IGBP1: variants seen among roughly 807,000 people sequenced by gnomAD.
IGBP1 encodes the protein immunoglobulin binding protein 1, also known as immunoglobulin-binding protein 1.
In IGBP1, 2 loss-of-function variants were observed where a neutral mutation model predicts 25.9. That is an observed-to-expected ratio of 0.08 (90% CI 0.03 to 0.24). The LOEUF is 0.24. Ranked by LOEUF, IGBP1 falls within the 10% of genes least tolerant of loss-of-function variation. IGBP1 has a pLI of 1.00. For missense variants in IGBP1, 187 were observed against 260.4 expected, an observed-to-expected ratio of 0.72 and a Z score of 1.94; for synonymous variants, 96 against 93.4, an observed-to-expected ratio of 1.03 and a Z score of -0.16.
At chrX:70,163,054 A>T (rs894724659) in intron 6 of IGBP1, among the ~76,000 whole-genome samples, 3 of 110,223 alleles carry the variant, frequency 2.7e-5, no homozygotes, top group African/African-American at 9.9e-5. Flanking sequence ...TTATATATAT[A>T]TATTTTTATT....
intron 5 of IGBP1, chrX:70,149,544 C>T (rs761441595): frequency 2.9e-4 from 33 of 112,491 alleles, no homozygotes; most frequent in Admixed American, 2.0e-3. Context: ...ATCCCAGCTA[C>T]TCGGGAGGCT....
intron 3 of IGBP1, among the ~76,000 whole-genome samples, chrX:70,138,149 A>G (rs1370294386): frequency 9.1e-6 from 1 of 109,872 alleles, no homozygotes; most frequent in East Asian, 2.9e-4. Flanking sequence ...AAAAAAGAAC[A>G]TAAATGGTAT....
intron 3 of IGBP1, among the ~76,000 whole-genome samples, chrX:70,141,893 AT>A (rs1451541220): frequency 1.8e-5 from 2 of 110,108 alleles, no homozygotes; most frequent in East Asian, 2.8e-4. Flanking sequence ...AGACATTCTT[AT>A]CCCCATTTTA....
Position 70,134,615 on chromosome X carries a change from A to T in IGBP1, c.281A>T (p.Asn94Ile). Residue 94 changes from asparagine (N) to isoleucine (I), a missense_variant, in exon 3 of 7, where the codon AAC becomes ATC. By Grantham distance (149) the Asn-to-Ile change is moderately radical (BLOSUM62 -3). Coordinates refer to ENST00000356413, the MANE Select transcript of IGBP1 (RefSeq NM_001551.3). ...GGAGCCCTCACCATGAAACAAGTCA[A>T]CCCCAGCAAGCGTCTAGATCATTTG... is the stretch of plus-strand genomic sequence containing the variant. The part of the protein sequence containing the change: ...FQGALTMKQV[N>I]PSKRLDHLQR... The T allele has an allele frequency of 8.3e-7, 1 of 1,211,644 alleles. No individual in the cohort carries two copies. Among genetic ancestry groups the T allele is most frequent in the African/African-American group, 1.7e-5 (1 of 57,810 alleles).
chrX:70,146,180 T>C (rs1360735796), intron 3 of IGBP1, among the ~76,000 whole-genome samples: 1 of 111,836 alleles, frequency 8.9e-6, no homozygotes, highest in Non-Finnish European at 1.9e-5. Flanking sequence ...AAAAAAGAGT[T>C]GATCATTTTT....
chrX:70,143,630 A>G lies in IGBP1; in HGVS notation c.483-3003A>G, dbSNP rs760535410. On this transcript the variant is annotated intron_variant, in intron 3 of 6. Coordinates refer to ENST00000356413, the MANE Select transcript of IGBP1 (RefSeq NM_001551.3). ...GGGTAACAGGGAGTATTTCCATGTA[A>G]TGGCCCACCATGGAGAATCCATAAC... 5.6e-5 allele frequency among the ~76,000 whole-genome samples: 6 copies of G among 107,289 alleles called. No homozygotes were observed. The South Asian group carries it at 1.7e-3, about 30-fold the overall frequency. The allele number at this position is 107,289 out of a possible 115,157, so 93.2% of individuals were successfully genotyped here. A position where few individuals can be genotyped will look rare whatever the true frequency, so the allele number is the denominator to read the frequency against.
Position 70,134,675 on chromosome X carries a change from C to T in IGBP1, c.341C>T (p.Thr114Ile), listed in dbSNP as rs761205981. The T allele has an allele frequency of 7.4e-6, 9 of 1,212,007 alleles. No individual in the cohort carries two copies. The East Asian group carries it at 1.5e-4, about 20-fold the overall frequency. ...RAREHFINYL[T>I]QCHCYHVAEF... ...CGAGAACACTTTATAAACTACTTAA[C>T]TCAGTGCCATTGCTATCATGTGGCA... Residue 114 changes from threonine to isoleucine, a missense_variant, in exon 3 of 7, where the codon ACT (threonine) becomes ATT (isoleucine). By Grantham distance (89) the Thr-to-Ile change is moderately conservative (BLOSUM62 -1). Coordinates refer to ENST00000356413, the MANE Select transcript of IGBP1 (RefSeq NM_001551.3).
At chrX:70,149,631 T>C (rs1482595421) in intron 5 of IGBP1, 6 of 96,732 alleles carry the variant, frequency 6.2e-5, no homozygotes, top group Admixed American at 3.7e-4. Flanking sequence ...TCCAGCCTGG[T>C]CGACAGAGCA....
chrX:70,153,951 C>CAT (rs1303380566), intron 6 of IGBP1, among the ~76,000 whole-genome samples: 1 of 111,376 alleles, frequency 9.0e-6, no homozygotes, highest in Non-Finnish European at 1.9e-5. Context: ...TTCTATTAGT[C>CAT]ATATAGACCA....
intron 6 of IGBP1, among the ~76,000 whole-genome samples, chrX:70,154,754 A>G (rs1031577565): frequency 9.4e-6 from 1 of 106,350 alleles, no homozygotes; most frequent in Non-Finnish European, 1.9e-5. Context: ...AAAACTAGCC[A>G]AGTGTGATGG....
rs772216016 is a variant in IGBP1, at chrX:70,134,835, T to C, written c.482+19T>C. ...TACAGAGGTGGGTCAATAGCTATAA[T>C]ATGAGGCCTGCCCAATGGCGGTGCT... On this transcript the variant is annotated intron_variant, in intron 3 of 6. Coordinates refer to ENST00000356413, the MANE Select transcript of IGBP1 (RefSeq NM_001551.3). 6 of 1,195,521 alleles carry C rather than the reference T, an allele frequency of 5.0e-6. No individual in the cohort carries two copies. Among genetic ancestry groups the C allele is most frequent in the Non-Finnish European group, 6.8e-6 (6 of 880,503 alleles).
At chrX:70,143,214 G>A (rs2085143232) in intron 3 of IGBP1, among the ~76,000 whole-genome samples, 1 of 109,844 alleles carries the variant, frequency 9.1e-6, no homozygotes, top group Admixed American at 9.7e-5. Context: ...GAGCCACTGC[G>A]CCCGGCCGAG....
At chrX:70,153,691 CT>C (rs776739424) in intron 6 of IGBP1, among the ~76,000 whole-genome samples, 1 of 111,942 alleles carries the variant, frequency 8.9e-6, no homozygotes, top group African/African-American at 3.2e-5. Context: ...TCAGAAGCAA[CT>C]GGGTGGTCCT....
At chrX:70,162,978 A>G (rs949140746) in intron 6 of IGBP1, among the ~76,000 whole-genome samples, 1 of 110,871 alleles carries the variant, frequency 9.0e-6, no homozygotes, top group Non-Finnish European at 1.9e-5. Flanking sequence ...CTTTGTCTCA[A>G]AAATAATAAT....
At chrX:70,158,126 A>C (rs2085251631) in intron 6 of IGBP1, among the ~76,000 whole-genome samples, 1 of 112,144 alleles carries the variant, frequency 8.9e-6, no homozygotes, top group Non-Finnish European at 1.9e-5. Flanking sequence ...ATTCCCTAGA[A>C]AGAATGGCAG....
At chrX:70,151,250 C>T (rs1235683601) in intron 6 of IGBP1, among the ~76,000 whole-genome samples, 2 of 111,896 alleles carry the variant, frequency 1.8e-5, no homozygotes, top group African/African-American at 6.5e-5. Context: ...CGTGAACCAC[C>T]GCGCCTGGCC....
intron 3 of IGBP1, among the ~76,000 whole-genome samples, chrX:70,144,479 C>T (rs1246906153): frequency 9.1e-6 from 1 of 110,396 alleles, no homozygotes; most frequent in African/African-American, 3.3e-5. Flanking sequence ...TCTCTGATAG[C>T]ATTCATGAAC....
chrX:70,147,688 G>A (rs1448691799), intron 4 of IGBP1, among the ~76,000 whole-genome samples: 2 of 112,189 alleles, frequency 1.8e-5, no homozygotes, highest in Non-Finnish European at 3.8e-5. Context: ...GAAACCTGGT[G>A]TAACAGCTTT....
rs771541470 is a variant in IGBP1, at chrX:70,148,820, T to G, written c.738T>G (p.Thr246=). ...ERPPVKPFIL[T]RNMAQAKVFG... is the part of the protein sequence containing the mutation. ...CTCCAGTGAAACCCTTCATTCTCACTCGGAACATGGCTCAAGCCAAGTAGG... is the reference window on the plus strand; with the variant it reads ...CTCCAGTGAAACCCTTCATTCTCACGCGGAACATGGCTCAAGCCAAGTAGG... Residue 246 remains threonine (T), a synonymous_variant, in exon 5 of 7, where the codon ACT becomes ACG. Transcript: ENST00000356413. 5 of 1,200,889 alleles carry G rather than the reference T, an allele frequency of 4.2e-6. No individual in the cohort carries two copies. The South Asian group carries it at 8.8e-5, about 21-fold the overall frequency.
Sources: gnomAD v4.1 joint callset for allele counts (sites outside exome capture counted in the v4.1 genomes callset) on GRCh38, gnomAD v4.1.1 for gene constraint, MANE v1.5 for transcripts, NCBI Gene and HGNC (gene_info 2026-07-23, HGNC 2026-07-21) for gene names.